Variants in DNER observed in about 807,000 individuals in gnomAD.
DNER encodes the protein delta and Notch-like epidermal growth factor-related receptor.
A neutral mutation model predicts 78.2 loss-of-function variants in DNER; 33 were observed. The ratio of observed to expected loss-of-function variants is 0.42; its 90% CI spans 0.32 to 0.56. The LOEUF (loss-of-function observed/expected upper bound fraction) is 0.56, where lower values mean the gene tolerates loss of function less well. Among genes scored for constraint, DNER ranks in the 20% least tolerant of loss-of-function variants. The pLI, the probability that DNER is intolerant of heterozygous loss-of-function variation, is 0.11. For synonymous variants in DNER, 417 were observed against 384.8 expected (o/e 1.08, Z -0.98); for missense variants, 918 against 975.3 (o/e 0.94, Z 0.78).
chr2:229,457,597 A>G (rs902166535), intron 7 of DNER, among the ~76,000 whole-genome samples: 6 of 152,038 alleles, frequency 3.9e-5, no homozygotes, highest in East Asian at 3.9e-4. Context: ...TAAATATTCT[A>G]TTTACCCACC....
intron 7 of DNER, among the ~76,000 whole-genome samples, chr2:229,450,148 C>T (rs1045678614): frequency 2.0e-5 from 3 of 152,158 alleles, no homozygotes; most frequent in Non-Finnish European, 4.4e-5. Context: ...CTAATGATGA[C>T]AGAAGGTGAC....
chr2:229,409,939 G>A (rs1191377073), intron 9 of DNER, among the ~76,000 whole-genome samples: 4 of 152,046 alleles, frequency 2.6e-5, no homozygotes, highest in South Asian at 2.1e-4. Context: ...CTTTAAACAC[G>A]GAGAATAGAC....
chr2:229,705,764 G>A lies in DNER; in HGVS notation c.276+8384C>T, dbSNP rs148142791. 1.2e-3 allele frequency among the ~76,000 whole-genome samples: 183 copies of A among 152,316 alleles called. 1 individual carries two copies. The highest frequency in any genetic ancestry group is 0.01 in the Middle Eastern group (3 of 294). ...TTTATAGAGGGCCAGTTCTGTGCCA[G>A]AGACCTTATTATTCACTTTCATCTT... is the stretch of plus-strand genomic sequence containing the variant. On this transcript the variant is annotated intron_variant, in intron 1 of 12. Coordinates refer to ENST00000341772, the MANE Select transcript of DNER (RefSeq NM_139072.4).
At chr2:229,409,546 T>A (rs1693460763) in intron 9 of DNER, among the ~76,000 whole-genome samples, 2 of 152,212 alleles carry the variant, frequency 1.3e-5, no homozygotes, top group Admixed American at 1.3e-4. Flanking sequence ...TTATTTAAAG[T>A]CTTCAACAAA....
chr2:229,671,027 T>C (rs1224661622), intron 1 of DNER, among the ~76,000 whole-genome samples: 1 of 152,214 alleles, frequency 6.6e-6, no homozygotes, highest in African/African-American at 2.4e-5. Context: ...ACTTTTTCTC[T>C]ATTTCCAAAG....
intron 4 of DNER, among the ~76,000 whole-genome samples, chr2:229,584,511 GA>G (rs1406412504): frequency 2.5e-4 from 38 of 152,144 alleles, no homozygotes; most frequent in Admixed American, 2.5e-3. Flanking sequence ...AAAGACAACT[GA>G]AAGGACACAG....
chr2:229,647,821 A>G (rs557692464), intron 1 of DNER, among the ~76,000 whole-genome samples: 5 of 152,364 alleles, frequency 3.3e-5, no homozygotes, highest in African/African-American at 1.2e-4. Flanking sequence ...ATAAAATTGT[A>G]TATGTAAATA....
intron 9 of DNER, among the ~76,000 whole-genome samples, chr2:229,413,315 CTTCTTCT>C (rs1436283304): frequency 1.0e-4 from 2 of 19,586 alleles, no homozygotes; most frequent in Non-Finnish European, 2.9e-4. Context: ...TTTTCTTTTT[CTTCTTCT>C]TTTTTTTTTT....
chr2:229,576,658 C>T (rs961769878), intron 4 of DNER, among the ~76,000 whole-genome samples: 6 of 151,970 alleles, frequency 3.9e-5, no homozygotes, highest in East Asian at 3.9e-4. Context: ...TGGGGGGGAA[C>T]GGAGAACATT....
At position 229,639,202 on chromosome 2, in the gene DNER, GT is replaced by G. The variant is rs1418086977; in HGVS notation, c.277-47315del. On this transcript the variant is annotated intron_variant, in intron 1 of 12. Transcript: ENST00000341772. ...CAGCTTTTAGAAATGAGAAAATAGG[GT>G]TTTTTCTCATAAGCACCAATTATTT... Among the ~76,000 whole-genome samples the G allele has an allele frequency of 3.3e-5, 5 of 152,276 alleles. No individual in the cohort carries two copies. The South Asian group carries it at 1.0e-3, about 32-fold the overall frequency.
chr2:229,424,624 A>G (rs1437645812), intron 8 of DNER, among the ~76,000 whole-genome samples: 3 of 152,054 alleles, frequency 2.0e-5, no homozygotes, highest in Non-Finnish European at 2.9e-5. Context: ...TCATAAGGAC[A>G]CCGGTGCTAT....
At chr2:229,608,255 T>C (rs769886747) in intron 1 of DNER, among the ~76,000 whole-genome samples, 1 of 152,146 alleles carries the variant, frequency 6.6e-6, no homozygotes, top group African/African-American at 2.4e-5. Flanking sequence ...ATGTGGCCCA[T>C]CACCCAATTT....
At chr2:229,372,268 T>A (rs1692500554) in intron 11 of DNER, among the ~76,000 whole-genome samples, 1 of 152,254 alleles carries the variant, frequency 6.6e-6, no homozygotes, top group African/African-American at 2.4e-5. Flanking sequence ...AGTACAACTG[T>A]GCTATGTCTA....
intron 1 of DNER, among the ~76,000 whole-genome samples, chr2:229,613,797 A>G (rs970172187): frequency 2.0e-5 from 3 of 152,184 alleles, no homozygotes; most frequent in Non-Finnish European, 4.4e-5. Context: ...GCATACATTC[A>G]GAAACAAGTA....
At chr2:229,664,722 A>G (rs1452273885) in intron 1 of DNER, among the ~76,000 whole-genome samples, 1 of 152,108 alleles carries the variant, frequency 6.6e-6, no homozygotes, top group African/African-American at 2.4e-5. Context: ...TGACTCCAAA[A>G]TTCATGACAT....
intron 7 of DNER, among the ~76,000 whole-genome samples, chr2:229,452,372 A>G (rs1274552298): frequency 6.6e-6 from 1 of 152,212 alleles, no homozygotes; most frequent in Non-Finnish European, 1.5e-5. Context: ...ACAATGTAAC[A>G]TAAGTCAAAA....
At chr2:229,517,109 C>CAAAAAAAAAA (rs57947628) in intron 5 of DNER, among the ~76,000 whole-genome samples, 1 of 57,872 alleles carries the variant, frequency 1.7e-5, no homozygotes, top group African/African-American at 5.4e-5. Context: ...GACTCCGTCT[C>CAAAAAAAAAA]AAAAAAAAAA....
chr2:229,504,276 G>A (rs1302854562), intron 6 of DNER, among the ~76,000 whole-genome samples: 1 of 152,114 alleles, frequency 6.6e-6, no homozygotes, highest in Non-Finnish European at 1.5e-5. Context: ...CTGGAGTGCA[G>A]TGGTGTGATC....
At chr2:229,561,462 T>C (rs1406034826) in intron 4 of DNER, among the ~76,000 whole-genome samples, 6 of 152,130 alleles carry the variant, frequency 3.9e-5, no homozygotes, top group Admixed American at 3.3e-4. Context: ...TCCTACTTTA[T>C]AAACATCTCA....
Sources: gnomAD v4.1 joint callset for allele counts (sites outside exome capture counted in the v4.1 genomes callset) on GRCh38, gnomAD v4.1.1 for gene constraint, MANE v1.5 for transcripts, NCBI Gene and HGNC (gene_info 2026-07-23, HGNC 2026-07-21) for gene names.